The following RAD51B variants were observed in gnomAD, a reference collection of about 807,000 sequenced individuals.
RAD51B encodes the protein DNA repair protein RAD51 homolog 2.
A neutral mutation model predicts 42.2 loss-of-function variants in RAD51B; 38 were observed. That is an observed-to-expected ratio of 0.90 (90% CI 0.70 to 1.18). The LOEUF (loss-of-function observed/expected upper bound fraction) is 1.18, where lower values mean the gene tolerates loss of function less well. Ranked by LOEUF, RAD51B falls within the 50% of genes most tolerant of loss-of-function variation. The probability of loss-of-function intolerance (pLI) is 0.00; values close to 1 mark genes in which losing one functional copy is unlikely to be tolerated. For synonymous variants in RAD51B, 154 were observed against 145.2 expected, an observed-to-expected ratio of 1.06 and a Z score of -0.43; for missense variants, 373 against 400.7, an observed-to-expected ratio of 0.93 and a Z score of 0.59.
chr14:68,138,660 G>C (rs1189812169), intron 7 of RAD51B, among the ~76,000 whole-genome samples: 1 of 152,126 alleles, frequency 6.6e-6, no homozygotes, highest in Non-Finnish European at 1.5e-5. Flanking sequence ...CTGCACACCA[G>C]GAAGTCTATT....
chr14:68,423,171 A>G (rs2084751551), intron 9 of RAD51B, among the ~76,000 whole-genome samples: 1 of 152,208 alleles, frequency 6.6e-6, no homozygotes, highest in South Asian at 2.1e-4. Flanking sequence ...AGAATTGGCA[A>G]TGAAAGAGTG....
intron 7 of RAD51B, among the ~76,000 whole-genome samples, chr14:68,228,148 A>G (rs369707318): frequency 6.6e-6 from 1 of 152,128 alleles, no homozygotes; most frequent in East Asian, 1.9e-4. Flanking sequence ...TTAGTCTGAA[A>G]ATCAGGTTTC....
intron 9 of RAD51B, among the ~76,000 whole-genome samples, chr14:68,462,142 T>C (rs1353233711): frequency 6.6e-6 from 1 of 152,216 alleles, no homozygotes; most frequent in Admixed American, 6.5e-5. Context: ...AGCAGTATTT[T>C]AATAAGTGCA....
intron 7 of RAD51B, among the ~76,000 whole-genome samples, chr14:67,965,045 AG>A (rs923277193): frequency 1.3e-5 from 2 of 152,238 alleles, no homozygotes; most frequent in African/African-American, 4.8e-5. Flanking sequence ...GTATTGCAGC[AG>A]GTGCAGCACA....
At chr14:68,226,802 T>C (rs559688039) in intron 7 of RAD51B, among the ~76,000 whole-genome samples, 1 of 152,358 alleles carries the variant, frequency 6.6e-6, no homozygotes, top group African/African-American at 2.4e-5. Flanking sequence ...TAGTTTCAGT[T>C]CTGGGTAGAA....
At chr14:68,650,632 A>G (rs1892681211) in intron 10 of RAD51B, 1 of 595,160 alleles carries the variant, frequency 1.7e-6, no homozygotes, top group Admixed American at 2.9e-5. Context: ...AGAGGCCCAT[A>G]CTGTTGTGTT....
intron 10 of RAD51B, among the ~76,000 whole-genome samples, chr14:68,518,554 G>GCCCCCCCCCCCCCC (rs11341781): frequency 7.3e-6 from 1 of 137,360 alleles, no homozygotes; most frequent in Non-Finnish European, 1.6e-5. Flanking sequence ...GGTCATATGA[G>GCCCCCCCCCCCCCC]CCCCCCCCCC....
chr14:68,012,970 A>G (rs923680769), intron 7 of RAD51B, among the ~76,000 whole-genome samples: 1 of 152,200 alleles, frequency 6.6e-6, no homozygotes, highest in Non-Finnish European at 1.5e-5. Flanking sequence ...GTGGCTGTGT[A>G]ACAGATTACC....
intron 8 of RAD51B, among the ~76,000 whole-genome samples, chr14:68,409,846 C>T (rs1245639000): frequency 6.6e-6 from 1 of 152,208 alleles, no homozygotes; most frequent in East Asian, 1.9e-4. Context: ...TATTTGTTTT[C>T]ACATTAATTT....
intron 7 of RAD51B, among the ~76,000 whole-genome samples, chr14:68,011,265 A>AT (rs1250593286): frequency 6.6e-6 from 1 of 151,968 alleles, no homozygotes; most frequent in African/African-American, 2.4e-5. Context: ...TTTACTTGTT[A>AT]TTTTTTACTT....
chr14:68,156,135 A>G (rs1444543433), intron 7 of RAD51B, among the ~76,000 whole-genome samples: 1 of 152,242 alleles, frequency 6.6e-6, no homozygotes, highest in African/African-American at 2.4e-5. Context: ...CTGTCAGAGC[A>G]GCACTGGTTC....
intron 7 of RAD51B, among the ~76,000 whole-genome samples, chr14:68,268,240 G>A (rs1225133355): frequency 6.6e-6 from 1 of 152,170 alleles, no homozygotes; most frequent in Non-Finnish European, 1.5e-5. Context: ...TAAAATGCAT[G>A]TATGTGTGCA....
chr14:68,572,238 G>T (rs1889743919), intron 10 of RAD51B, among the ~76,000 whole-genome samples: 1 of 152,156 alleles, frequency 6.6e-6, no homozygotes, highest in Admixed American at 6.5e-5. Context: ...AGTGTCTATT[G>T]GTCCCCTAGT....
chr14:68,402,763 A>G (rs558812174), intron 8 of RAD51B, among the ~76,000 whole-genome samples: 1 of 152,334 alleles, frequency 6.6e-6, no homozygotes, highest in African/African-American at 2.4e-5. Flanking sequence ...CTCGATGAGG[A>G]ACTCATTCAT....
chr14:67,942,582 T>C (rs2140184880), intron 7 of RAD51B, among the ~76,000 whole-genome samples: 1 of 152,312 alleles, frequency 6.6e-6, no homozygotes, highest in South Asian at 2.1e-4. Flanking sequence ...TCAGAGTATT[T>C]GGAATAGTAG....
chr14:68,052,612 T>A (rs868353454), intron 7 of RAD51B, among the ~76,000 whole-genome samples: 2 of 138,486 alleles, frequency 1.4e-5, no homozygotes, highest in African/African-American at 5.8e-5. Context: ...TTCCATGACT[T>A]CTTCTTCTTC....
intron 10 of RAD51B, among the ~76,000 whole-genome samples, chr14:68,489,651 T>G (rs1418728788): frequency 6.6e-6 from 1 of 152,204 alleles, no homozygotes; most frequent in African/African-American, 2.4e-5. Flanking sequence ...CACCAGGCAT[T>G]TCTATGTTCC....
chr14:68,049,606 C>T (rs1055499532), intron 7 of RAD51B, among the ~76,000 whole-genome samples: 1 of 152,112 alleles, frequency 6.6e-6, no homozygotes, highest in Non-Finnish European at 1.5e-5. Context: ...TTCTAGATTC[C>T]CCAGGGCTCC....
chr14:68,100,381 T>G (rs764453041), intron 7 of RAD51B, among the ~76,000 whole-genome samples: 1 of 152,186 alleles, frequency 6.6e-6, no homozygotes, highest in Non-Finnish European at 1.5e-5. Context: ...AGGGTCTCAC[T>G]GTGTTGCCCA....
Sources: gnomAD v4.1 joint callset for allele counts (sites outside exome capture counted in the v4.1 genomes callset) on GRCh38, gnomAD v4.1.1 for gene constraint, MANE v1.5 for transcripts, NCBI Gene and HGNC (gene_info 2026-07-23, HGNC 2026-07-21) for gene names.